The following DCAF1 variants were observed in gnomAD, a reference collection of about 807,000 sequenced individuals.
DCAF1 encodes the protein DDB1- and CUL4-associated factor 1.
DCAF1 carries 15 observed loss-of-function variants against 128.0 expected under a neutral mutation model. The observed-to-expected ratio is 0.12, with a 90% CI of 0.08 to 0.18. DCAF1 has a LOEUF of 0.18. DCAF1 is among the 10% of genes least tolerant of loss of function. The pLI, the probability that DCAF1 is intolerant of heterozygous loss-of-function variation, is 1.00. For synonymous variants in DCAF1, 610 were observed against 603.0 expected (o/e 1.01, Z -0.17); for missense variants, 988 against 1,649.5 (o/e 0.60, Z 6.95).
At chr3:51,501,083 T>C (rs574576326), upstream of DCAF1, among the ~76,000 whole-genome samples, 2 of 152,156 alleles carry the variant, frequency 1.3e-5, no homozygotes, top group East Asian at 1.9e-4. Flanking sequence ...CCCCGAAGTG[T>C]TGGGATTACA....
intron 5 of DCAF1, among the ~76,000 whole-genome samples, chr3:51,466,435 C>T (rs79746369): frequency 2.0e-5 from 3 of 152,254 alleles, no homozygotes; most frequent in African/African-American, 7.2e-5. Flanking sequence ...TCCTCACATC[C>T]TCCTCAAGAT....
intron 2 of DCAF1, among the ~76,000 whole-genome samples, chr3:51,491,318 A>T (rs1435728325): frequency 6.6e-6 from 1 of 151,652 alleles, no homozygotes; most frequent in Non-Finnish European, 1.5e-5. Context: ...ACTGCACTCC[A>T]GCAAGGCAAC....
At chr3:51,399,635 G>A (rs1260113497) in intron 24 of DCAF1, among the ~76,000 whole-genome samples, 2 of 152,172 alleles carry the variant, frequency 1.3e-5, no homozygotes, top group African/African-American at 4.8e-5. Context: ...CCCTCAAGAT[G>A]AGGTAGATAC....
At chr3:51,430,421 A>G (rs1373509131) in intron 10 of DCAF1, among the ~76,000 whole-genome samples, 1 of 152,238 alleles carries the variant, frequency 6.6e-6, no homozygotes, top group Non-Finnish European at 1.5e-5. Context: ...ATTTAGATAA[A>G]TATTTAAATA....
intron 13 of DCAF1, among the ~76,000 whole-genome samples, chr3:51,424,265 T>C (rs1699704454): frequency 1.3e-5 from 2 of 151,780 alleles, no homozygotes; most frequent in African/African-American, 4.8e-5. Context: ...CTGGGCATGG[T>C]AGTGGGCGCC....
At chr3:51,472,960 G>A (rs989366400) in intron 3 of DCAF1, among the ~76,000 whole-genome samples, 29 of 150,220 alleles carry the variant, frequency 1.9e-4, no homozygotes, top group South Asian at 4.3e-4. Context: ...CACCACGCCC[G>A]GTTATTCATG....
At chr3:51,505,224 A>G in the DCAF1 span, among the ~76,000 whole-genome samples, 1 of 152,074 alleles carries the variant, frequency 6.6e-6, no homozygotes, top group African/African-American at 2.4e-5. Context: ...AGATCACACC[A>G]CTGCACTCCA....
chr3:51,470,359 G>C (rs782068734), intron 4 of DCAF1, among the ~76,000 whole-genome samples: 1 of 152,042 alleles, frequency 6.6e-6, no homozygotes, highest in Non-Finnish European at 1.5e-5. Flanking sequence ...CCAGGAGTTC[G>C]AGACCAACTT....
intron 6 of DCAF1, among the ~76,000 whole-genome samples, chr3:51,444,436 C>T (rs939895186): frequency 1.3e-5 from 2 of 151,804 alleles, no homozygotes; most frequent in African/African-American, 2.4e-5. Flanking sequence ...CTGCAACCTC[C>T]GTCTCCCAGG....
At chr3:51,466,525 C>T (rs1217508221) in intron 5 of DCAF1, among the ~76,000 whole-genome samples, 1 of 152,184 alleles carries the variant, frequency 6.6e-6, no homozygotes, top group Admixed American at 6.6e-5. Flanking sequence ...CTGTATGCAT[C>T]ACTCTTATTT....
chr3:51,404,720 G>A (rs373059502), intron 23 of DCAF1, among the ~76,000 whole-genome samples: 20 of 152,322 alleles, frequency 1.3e-4, no homozygotes, highest in South Asian at 4.1e-4. Flanking sequence ...GTGCAAGTGC[G>A]TGTATGGTCT....
chr3:51,411,110 G>A (rs575762140), intron 23 of DCAF1, among the ~76,000 whole-genome samples: 5 of 149,440 alleles, frequency 3.3e-5, no homozygotes, highest in South Asian at 2.1e-4. Context: ...GCAGTGAGCC[G>A]AGATCGTGCC....
At chr3:51,437,349 A>G in intron 9 of DCAF1, 1 of 475,596 alleles carries the variant, frequency 2.1e-6, no homozygotes, top group Non-Finnish European at 4.1e-6. Context: ...CTGGGTTGCA[A>G]AGGGGCTGAA....
chr3:51,476,538 T>C (rs1384777926), intron 3 of DCAF1, among the ~76,000 whole-genome samples: 1 of 125,548 alleles, frequency 8.0e-6, no homozygotes, highest in Non-Finnish European at 1.6e-5. Flanking sequence ...AAAATCCATC[T>C]AGCAGAGTAC....
At chr3:51,485,974 G>A (rs910529217) in intron 2 of DCAF1, among the ~76,000 whole-genome samples, 15 of 149,724 alleles carry the variant, frequency 1.0e-4, no homozygotes, top group Admixed American at 2.0e-4. Context: ...TCACTGTAAC[G>A]TCTACCTGCT....
chr3:51,452,298 T>C (rs962676252), intron 6 of DCAF1, among the ~76,000 whole-genome samples: 2 of 152,124 alleles, frequency 1.3e-5, no homozygotes, highest in Non-Finnish European at 2.9e-5. Context: ...GGAACACCAA[T>C]AGCTAATTTG....
At chr3:51,396,797 C>G (rs1405320376), downstream of DCAF1, 1 of 167,162 alleles carries the variant, frequency 6.0e-6, no homozygotes, top group Admixed American at 6.5e-5. Flanking sequence ...AGAGTTGAGA[C>G]TGGCTCCGTT....
At chr3:51,500,485 A>G (rs1328003740), upstream of DCAF1, among the ~76,000 whole-genome samples, 1 of 152,154 alleles carries the variant, frequency 6.6e-6, no homozygotes, top group Non-Finnish European at 1.5e-5. Context: ...TTTCTCATAA[A>G]CATATCAGAA....
At chr3:51,481,196 G>A (rs184628131) in intron 3 of DCAF1, among the ~76,000 whole-genome samples, 25 of 152,172 alleles carry the variant, frequency 1.6e-4, no homozygotes, top group African/African-American at 5.3e-4. Context: ...TGGCCACATA[G>A]GCCACACTAA....
Sources: gnomAD v4.1 joint callset for allele counts (sites outside exome capture counted in the v4.1 genomes callset) on GRCh38, gnomAD v4.1.1 for gene constraint, MANE v1.5 for transcripts, NCBI Gene and HGNC (gene_info 2026-07-23, HGNC 2026-07-21) for gene names.